The following ASIC2 variants were observed in gnomAD, a reference collection of about 807,000 sequenced individuals.
The protein encoded by ASIC2 is acid-sensing ion channel 2.
ASIC2 carries 25 observed loss-of-function variants against 57.3 expected under a neutral mutation model. That is an observed-to-expected ratio of 0.44 (90% confidence interval 0.32 to 0.61). The LOEUF is 0.61. Ranked by LOEUF, ASIC2 falls within the 20% of genes least tolerant of loss-of-function variation. The pLI, the probability that ASIC2 is intolerant of heterozygous loss-of-function variation, is 0.06. For synonymous variants in ASIC2, 319 were observed against 307.5 expected, an observed-to-expected ratio of 1.04 and a Z score of -0.39; for missense variants, 641 against 738.1, an observed-to-expected ratio of 0.87 and a Z score of 1.52.
At chr17:33,644,830 A>G (rs1384991140) in intron 1 of ASIC2, among the ~76,000 whole-genome samples, 1 of 152,198 alleles carries the variant, frequency 6.6e-6, no homozygotes, top group African/African-American at 2.4e-5. Context: ...AATACCAGAT[A>G]TTTGTGTGTT....
chr17:33,120,277 C>A (rs1326830716), intron 1 of ASIC2, among the ~76,000 whole-genome samples: 1 of 152,228 alleles, frequency 6.6e-6, no homozygotes, highest in Non-Finnish European at 1.5e-5. Context: ...GCTTCCAAGA[C>A]TGAAGCACAG....
chr17:33,569,302 C>G (rs183658311), intron 1 of ASIC2: 2 of 152,258 alleles, frequency 1.3e-5, no homozygotes, highest in African/African-American at 4.8e-5. Context: ...TGTCGTGTAG[C>G]CTTCATTCCA....
At chr17:33,420,264 C>T (rs986775425) in intron 1 of ASIC2, among the ~76,000 whole-genome samples, 1 of 152,150 alleles carries the variant, frequency 6.6e-6, no homozygotes, top group African/African-American at 2.4e-5. Flanking sequence ...AGCTATGGTT[C>T]ATGCTTTCAG....
chr17:33,294,592 C>A (rs1905643836), upstream of ASIC2, among the ~76,000 whole-genome samples: 1 of 152,000 alleles, frequency 6.6e-6, no homozygotes, highest in Admixed American at 6.5e-5. Flanking sequence ...TCCACACAGT[C>A]ACACATGTAC....
intron 1 of ASIC2, among the ~76,000 whole-genome samples, chr17:33,219,275 G>C (rs944318529): frequency 5.9e-5 from 9 of 152,220 alleles, no homozygotes; most frequent in Non-Finnish European, 1.2e-4. Context: ...AGGCAAACCA[G>C]CATTCAGAAG....
At chr17:33,344,475 G>A (rs1907866941) in intron 1 of ASIC2, among the ~76,000 whole-genome samples, 1 of 152,168 alleles carries the variant, frequency 6.6e-6, no homozygotes, top group South Asian at 2.1e-4. Context: ...TTCTAGTGAA[G>A]GAAGAACCTG....
chr17:34,073,801 A>C (rs910188756), intron 1 of ASIC2, among the ~76,000 whole-genome samples: 1 of 152,156 alleles, frequency 6.6e-6, no homozygotes, highest in African/African-American at 2.4e-5. Flanking sequence ...TGGGAGGGGA[A>C]GGAGCTGTTT....
At chr17:34,122,499 A>G (rs1911655084) in intron 1 of ASIC2, among the ~76,000 whole-genome samples, 1 of 152,222 alleles carries the variant, frequency 6.6e-6, no homozygotes, top group Non-Finnish European at 1.5e-5. Context: ...TTTCTCATCT[A>G]GAGAGAGCGA....
chr17:33,599,295 C>A (rs1905066382), intron 1 of ASIC2, among the ~76,000 whole-genome samples: 1 of 152,184 alleles, frequency 6.6e-6, no homozygotes, highest in African/African-American at 2.4e-5. Context: ...TTGCCCTCAA[C>A]ACACAACCCT....
intron 1 of ASIC2, among the ~76,000 whole-genome samples, chr17:34,144,143 A>C (rs1912350774): frequency 6.6e-6 from 1 of 152,238 alleles, no homozygotes; most frequent in African/African-American, 2.4e-5. Flanking sequence ...CATACAAAAA[A>C]AAGATATGTC....
chr17:33,121,620 C>T (rs964538682), intron 1 of ASIC2, among the ~76,000 whole-genome samples: 14 of 152,150 alleles, frequency 9.2e-5, no homozygotes, highest in African/African-American at 3.4e-4. Context: ...CTGAGCCCTG[C>T]CTATCTGCTC....
chr17:33,352,124 C>T (rs9915690), intron 1 of ASIC2, among the ~76,000 whole-genome samples: 8,929 of 152,144 alleles, frequency 0.059, 592 homozygotes, highest in African/African-American at 0.17. Context: ...CAAATGCCAC[C>T]CCTCTGAGCA....
intron 1 of ASIC2, among the ~76,000 whole-genome samples, chr17:33,941,205 G>A (rs1916185378): frequency 6.6e-6 from 1 of 152,206 alleles, no homozygotes; most frequent in Non-Finnish European, 1.5e-5. Flanking sequence ...CTGCCAGGGA[G>A]TCCTAGTGAG....
intron 1 of ASIC2, among the ~76,000 whole-genome samples, chr17:33,845,247 T>G (rs953784595): frequency 1.3e-5 from 2 of 152,354 alleles, no homozygotes; most frequent in African/African-American, 4.8e-5. Context: ...TTCTTAATTT[T>G]TATCTTAGCC....
At chr17:33,631,623 CA>C (rs1421307025) in intron 1 of ASIC2, among the ~76,000 whole-genome samples, 1 of 152,024 alleles carries the variant, frequency 6.6e-6, no homozygotes, top group Non-Finnish European at 1.5e-5. Flanking sequence ...ATGCCTGGCA[CA>C]TTGACAGAGA....
At chr17:33,398,068 T>C (rs888535974) in intron 1 of ASIC2, among the ~76,000 whole-genome samples, 1 of 152,228 alleles carries the variant, frequency 6.6e-6, no homozygotes, top group Non-Finnish European at 1.5e-5. Context: ...TCTATTCTCT[T>C]TCCTTGGTGT....
At chr17:33,879,981 T>A (rs1297193376) in intron 1 of ASIC2, among the ~76,000 whole-genome samples, 1 of 152,174 alleles carries the variant, frequency 6.6e-6, no homozygotes, top group East Asian at 1.9e-4. Flanking sequence ...ACATGGAAAC[T>A]GAACAACCTG....
Position 33,171,003 on chromosome 17 carries a change from A to G in ASIC2, c.709-58936T>C, listed in dbSNP as rs187636757. ...CAGATGTGTGATGTTGTGGGCCTCAACAAAGGTAAACTGATGTGAAGGCTG... is the reference window on the plus strand; with the variant it reads ...CAGATGTGTGATGTTGTGGGCCTCAGCAAAGGTAAACTGATGTGAAGGCTG... On this transcript the variant is annotated intron_variant, in intron 1 of 9. Transcript: ENST00000225823. Among the ~76,000 whole-genome samples the G allele has an allele frequency of 1.8e-4, 27 of 152,272 alleles. 1 individual carries two copies. In the East Asian group the frequency reaches 3.9e-3, roughly 22 times the overall value.
intron 1 of ASIC2, among the ~76,000 whole-genome samples, chr17:33,865,228 G>A (rs1362256469): frequency 1.3e-5 from 2 of 152,174 alleles, no homozygotes; most frequent in Admixed American, 6.5e-5. Flanking sequence ...GATATGGTTC[G>A]TCCCCAGGAG....
Sources: gnomAD v4.1 joint callset for allele counts (sites outside exome capture counted in the v4.1 genomes callset) on GRCh38, gnomAD v4.1.1 for gene constraint, MANE v1.5 for transcripts, NCBI Gene and HGNC (gene_info 2026-07-23, HGNC 2026-07-21) for gene names.